COG5: variants seen among roughly 807,000 people sequenced by gnomAD.
The protein encoded by COG5 is conserved oligomeric Golgi complex subunit 5.
A neutral mutation model predicts 110.4 loss-of-function variants in COG5; 86 were observed. That is an observed-to-expected ratio of 0.78 (90% CI 0.65 to 0.93). The LOEUF is 0.93. Ranked by LOEUF, COG5 falls within the 40% of genes least tolerant of loss-of-function variation. COG5 has a pLI of 0.00. For missense variants in COG5, 1,077 were observed against 987.0 expected (o/e 1.09, Z -1.22); for synonymous variants, 360 against 334.6 (o/e 1.08, Z -0.83).
chr7:107,514,383 T>C (rs1391438081), intron 6 of COG5, among the ~76,000 whole-genome samples: 2 of 151,688 alleles, frequency 1.3e-5, no homozygotes, highest in African/African-American at 4.9e-5. Context: ...TTTTATATTT[T>C]GGTTTATTAT....
intron 14 of COG5, among the ~76,000 whole-genome samples, chr7:107,279,956 C>T (rs1024673058): frequency 1.2e-4 from 19 of 152,018 alleles, no homozygotes; most frequent in Non-Finnish European, 4.4e-5. Flanking sequence ...GTACATATTA[C>T]CATTACCACT....
At chr7:107,311,548 C>A (rs59925720) in intron 11 of COG5, among the ~76,000 whole-genome samples, 13,581 of 149,830 alleles carry the variant, frequency 0.091, 1,670 homozygotes, top group African/African-American at 0.28. Context: ...CGCCCGCCAC[C>A]GCGCCCGGCT....
At chr7:107,226,456 C>T (rs758350228) in intron 19 of COG5, among the ~76,000 whole-genome samples, 4 of 152,198 alleles carry the variant, frequency 2.6e-5, no homozygotes, top group Non-Finnish European at 5.9e-5. Context: ...GTAGGTAAAA[C>T]AGAGGGCCTA....
chr7:107,508,716 G>A (rs1799241787), intron 6 of COG5, among the ~76,000 whole-genome samples: 1 of 152,186 alleles, frequency 6.6e-6, no homozygotes, highest in Non-Finnish European at 1.5e-5. Context: ...AGCATTTGCG[G>A]TTCACCAACA....
chr7:107,471,798 G>T (rs1796649758), intron 6 of COG5: 1 of 152,044 alleles, frequency 6.6e-6, no homozygotes, highest in East Asian at 1.9e-4. Flanking sequence ...ATATCAATTG[G>T]TATGACTAAT....
Position 107,356,435 on chromosome 7 carries a change from C to T in COG5, c.1026+5598G>A, listed in dbSNP as rs566804380. On this transcript the variant is annotated intron_variant, in intron 10 of 21. Coordinates refer to ENST00000297135, the MANE Select transcript of COG5 (RefSeq NM_006348.5). ...CAAATTTCAGCCAAGTGTGGTGGTG[C>T]AAACCTGCAGTCACAGCTATTTGGG... Among the ~76,000 whole-genome samples, 162 of 152,242 alleles carry T rather than the reference C, an allele frequency of 1.1e-3. 1 individual carries two copies. The highest frequency in any genetic ancestry group is 3.7e-3 in the African/African-American group (152 of 41,544).
chr7:107,322,211 A>G (rs1196706699), intron 11 of COG5, among the ~76,000 whole-genome samples: 2 of 152,166 alleles, frequency 1.3e-5, no homozygotes, highest in Non-Finnish European at 2.9e-5. Context: ...ATTCTCTCAG[A>G]GGTGATGAGG....
chr7:107,438,054 A>T (rs1584822805), intron 6 of COG5, among the ~76,000 whole-genome samples: 1 of 152,294 alleles, frequency 6.6e-6, no homozygotes, highest in East Asian at 1.9e-4. Flanking sequence ...ACTAGATTCA[A>T]CGCCTGAAGA....
chr7:107,324,316 A>G (rs1809567737), intron 11 of COG5, 124 bp downstream of exon 11: 1 of 640,932 alleles, frequency 1.6e-6, no homozygotes. Flanking sequence ...AATAACAATT[A>G]GCCAGGAATT....
chr7:107,430,897 T>G lies in COG5; in HGVS notation c.539-18265A>C, dbSNP rs1016582307. On this transcript the variant is annotated intron_variant, in intron 6 of 21. Coordinates refer to ENST00000297135, the MANE Select transcript of COG5 (RefSeq NM_006348.5). ...TTATAAAATAGAGGCAGTGGGAGAT[T>G]TGATTACAGAAGAAGGCACTGTGAG... 3.3e-5 allele frequency among the ~76,000 whole-genome samples: 5 copies of G among 151,924 alleles called. No homozygotes were observed. In the East Asian group the frequency reaches 9.6e-4, roughly 29 times the overall value.
At chr7:107,389,611 G>A (rs749975754) in intron 7 of COG5, among the ~76,000 whole-genome samples, 1 of 152,164 alleles carries the variant, frequency 6.6e-6, no homozygotes. Flanking sequence ...CAGGGGACAA[G>A]CCCGTGGCCT....
At chr7:107,462,132 A>G (rs1796027548) in intron 6 of COG5, among the ~76,000 whole-genome samples, 1 of 152,194 alleles carries the variant, frequency 6.6e-6, no homozygotes, top group South Asian at 2.1e-4. Context: ...AGTTACTGGG[A>G]AACTAACCAA....
At chr7:107,335,179 C>T (rs539791296) in intron 10 of COG5, among the ~76,000 whole-genome samples, 3 of 152,114 alleles carry the variant, frequency 2.0e-5, no homozygotes, top group Non-Finnish European at 2.9e-5. Context: ...TTTAAAATAA[C>T]TTATGTTCAA....
chr7:107,497,164 T>G (rs1798331684), intron 6 of COG5, among the ~76,000 whole-genome samples: 1 of 152,152 alleles, frequency 6.6e-6, no homozygotes, highest in South Asian at 2.1e-4. Flanking sequence ...GAGATATGTC[T>G]GCGCCACTGC....
At chr7:107,425,438 T>A (rs1039610493) in intron 6 of COG5, among the ~76,000 whole-genome samples, 1 of 151,236 alleles carries the variant, frequency 6.6e-6, no homozygotes, top group Non-Finnish European at 1.5e-5. Context: ...GACCACAGAA[T>A]CTTCATATAC....
intron 6 of COG5, among the ~76,000 whole-genome samples, chr7:107,454,991 C>A (rs963611926): frequency 5.9e-5 from 9 of 152,178 alleles, no homozygotes; most frequent in Admixed American, 5.9e-4. Flanking sequence ...GAAAATGTTG[C>A]CAAGATTGAC....
intron 17 of COG5, among the ~76,000 whole-genome samples, chr7:107,244,074 C>T (rs532340903): frequency 2.0e-5 from 3 of 151,918 alleles, no homozygotes; most frequent in African/African-American, 7.2e-5. Context: ...TAGCAAAACC[C>T]TGTCTCTACT....
Position 107,395,974 on chromosome 7 carries a change from T to C in COG5, c.669+16528A>G, listed in dbSNP as rs558771762. On this transcript the variant is annotated intron_variant, in intron 7 of 21. Coordinates refer to ENST00000297135, the MANE Select transcript of COG5 (RefSeq NM_006348.5). ...ACAGTACCTTAATCATGTACAATCA[T>C]TGAGAAATTATAAAATCCTAATATT... Among the ~76,000 whole-genome samples, 5 of 152,310 alleles carry C rather than the reference T, an allele frequency of 3.3e-5. No individual in the cohort carries two copies. The East Asian group carries it at 5.8e-4, about 18-fold the overall frequency.
At chr7:107,531,995 C>A (rs1249224530) in intron 5 of COG5, among the ~76,000 whole-genome samples, 3 of 152,120 alleles carry the variant, frequency 2.0e-5, no homozygotes, top group Non-Finnish European at 4.4e-5. Context: ...ACATTTCATG[C>A]CCCAGACCTG....
Sources: allele counts gnomAD v4.1 joint callset (sites outside exome capture counted in the v4.1 genomes callset), GRCh38; gene constraint gnomAD v4.1.1; transcripts MANE v1.5; gene names NCBI Gene and HGNC (gene_info 2026-07-23, HGNC 2026-07-21).